Variants in SLC9A6 observed in about 807,000 individuals in gnomAD.
SLC9A6 encodes sodium/hydrogen exchanger 6.
SLC9A6 carries 6 observed loss-of-function variants against 45.3 expected under a neutral mutation model. The observed-to-expected ratio is 0.13, with a 90% CI of 0.07 to 0.26. The LOEUF (loss-of-function observed/expected upper bound fraction) is 0.26. Ranked by LOEUF, SLC9A6 falls within the 10% of genes least tolerant of loss-of-function variation. The pLI, the probability that SLC9A6 is intolerant of heterozygous loss-of-function variation, is 1.00. For missense variants in SLC9A6, 278 were observed against 503.7 expected, an observed-to-expected ratio of 0.55 and a Z score of 4.29; for synonymous variants, 191 against 187.7, an observed-to-expected ratio of 1.02 and a Z score of -0.14.
intron 1 of SLC9A6, among the ~76,000 whole-genome samples, chrX:135,975,680 T>A (rs2089257386): frequency 1.8e-5 from 2 of 112,364 alleles, no homozygotes; most frequent in African/African-American, 6.5e-5. Flanking sequence ...AAAGGATCTC[T>A]ACAGAGAGTC....
In SLC9A6 at chrX:136,005,667, C is replaced by T. The variant is rs184191786; in HGVS notation, c.743+3454C>T. ...CTGCCCTCCAGCCTGAGCAACGGAG[C>T]GAGACTGTCTCAAAAAAAAAAAAAA... On this transcript the variant is annotated intron_variant, in intron 7 of 17. Transcript: ENST00000630721. 1.1e-3 allele frequency among the ~76,000 whole-genome samples: 78 copies of T among 67,888 alleles called. No individual in the cohort carries two copies. The East Asian group carries it at 0.035, about 30-fold the overall frequency. 59.0% of individuals were successfully genotyped at this position (67,888 alleles called of 115,157 possible).
At chrX:135,991,535 C>T (rs1430662932) in intron 2 of SLC9A6, among the ~76,000 whole-genome samples, 2 of 111,008 alleles carry the variant, frequency 1.8e-5, no homozygotes, top group East Asian at 2.8e-4. Context: ...TAGGATTACA[C>T]GTGAGCCACT....
At chrX:135,982,509 A>G (rs1556614266), upstream of SLC9A6, among the ~76,000 whole-genome samples, 1 of 107,638 alleles carries the variant, frequency 9.3e-6, no homozygotes, top group Non-Finnish European at 1.9e-5. Context: ...TTTGAGACAA[A>G]GTCTCACTCT....
chrX:136,040,165 G>C lies in SLC9A6; in HGVS notation c.1751G>C (p.Ser584Thr). The part of the protein sequence containing the change: ...CCGPIARCLT[S>T]PQAYENQEQL... ...GGACCCATCGCCAGGTGCCTCACCA[G>C]CCCCCAGGCTTACGAAGTAAGTTGG... is the stretch of plus-strand genomic sequence containing the variant. Residue 584 changes from serine (S) to threonine (T), a missense_variant, in exon 17 of 18, where the codon AGC becomes ACC. Around this residue, in one of 5 missense-constraint regions of SLC9A6, gnomAD observed 91 missense variants for 125.1 expected, o/e 0.73. Transcript: ENST00000630721. 1 of 1,206,914 alleles carries C rather than the reference G, an allele frequency of 8.3e-7. No homozygotes were observed. The highest frequency in any genetic ancestry group is 1.8e-5 in the South Asian group (1 of 56,554).
At chrX:135,976,291 G>C (rs1556613342) in intron 1 of SLC9A6, among the ~76,000 whole-genome samples, 1 of 111,634 alleles carries the variant, frequency 9.0e-6, no homozygotes, top group Non-Finnish European at 1.9e-5. Flanking sequence ...GAGGTAATAA[G>C]GTAGAAAAGA....
chrX:135,983,025 C>T (rs782665083), upstream of SLC9A6, among the ~76,000 whole-genome samples: 3 of 111,116 alleles, frequency 2.7e-5, no homozygotes, highest in Non-Finnish European at 5.7e-5. Flanking sequence ...GAAACAGATT[C>T]CCTAGTACTC....
chrX:136,035,000 T>C (rs2071389610), intron 16 of SLC9A6, among the ~76,000 whole-genome samples: 1 of 111,448 alleles, frequency 9.0e-6, no homozygotes, highest in Non-Finnish European at 1.9e-5. Context: ...TATAAAACAG[T>C]TCAATGATCC....
rs559449798 is a variant in SLC9A6, at chrX:136,046,866, C to T, written c.*2142C>T. On this transcript the variant is annotated 3_prime_UTR_variant, in exon 18 of 18. Transcript: ENST00000630721. ...GTACAGTCTGAGTTACCATCATGCA[C>T]AAGTAGAACTGCTCTTGGACTTGTT... 8.9e-6 allele frequency: 1 copy of T among 112,850 alleles called. No homozygotes were observed. The highest frequency in any genetic ancestry group is 3.2e-5 in the African/African-American group (1 of 31,033). The allele number at this position is 112,850 out of a possible 1,213,427, so 9.3% of individuals were successfully genotyped here.
At chrX:136,003,689 G>T (rs924297703) in intron 7 of SLC9A6, among the ~76,000 whole-genome samples, 1 of 112,099 alleles carries the variant, frequency 8.9e-6, no homozygotes, top group African/African-American at 3.2e-5. Context: ...AATTTTGTTC[G>T]ACATTGTTAA....
At chrX:136,030,384 A>G (rs901204336) in intron 15 of SLC9A6, 11 of 430,894 alleles carry the variant, frequency 2.6e-5, no homozygotes, top group Non-Finnish European at 4.5e-5. Context: ...GACAGCTTTC[A>G]TGTCTCTGGG....
chrX:136,030,170 T>A lies in SLC9A6; in HGVS notation c.1581+8T>A. On this transcript the variant is annotated splice_region_variant and intron_variant, in intron 15 of 17. Transcript: ENST00000630721. The stretch of plus-strand genomic sequence containing the variant: ...TCAGACCAAGAACACTTGGTAAATA[T>A]GCGTTTTTGTTGTTCCTGGCATTTC... 2 of 1,205,586 alleles carry A rather than the reference T, an allele frequency of 1.7e-6. No individual in the cohort carries two copies. Among genetic ancestry groups the A allele is most frequent in the Middle Eastern group, 2.3e-4 (1 of 4,337 alleles).
At chrX:135,978,665 A>AAAT (rs1179505524) in intron 1 of SLC9A6, among the ~76,000 whole-genome samples, 234 of 111,021 alleles carry the variant, frequency 2.1e-3, no homozygotes, top group Non-Finnish European at 3.1e-3. Context: ...AAAAAAAAAA[A>AAAT]AATCAAATAG....
In SLC9A6 at chrX:136,017,556, T is replaced by C. The variant is rs182934604; in HGVS notation, c.1194+798T>C. ...ATGTAGAGAGAAATTTTGCCTTCAC[T>C]GGAAGGAGAGACAACTCCACCATGA... is the stretch of plus-strand genomic sequence containing the variant. On this transcript the variant is annotated intron_variant, in intron 11 of 17. Transcript: ENST00000630721. Among the ~76,000 whole-genome samples the C allele has an allele frequency of 2.2e-4, 25 of 111,211 alleles. No homozygotes were observed. In the Admixed American group the frequency reaches 2.4e-3, roughly 11 times the overall value.
intron 7 of SLC9A6, among the ~76,000 whole-genome samples, chrX:136,006,505 T>A (rs2089658699): frequency 9.2e-6 from 1 of 108,161 alleles, no homozygotes; most frequent in African/African-American, 3.4e-5. Context: ...GCAGTTATTT[T>A]ATTTTATTTT....
At chrX:135,974,453 G>A (rs1405179373), upstream of SLC9A6, among the ~76,000 whole-genome samples, 1 of 63,241 alleles carries the variant, frequency 1.6e-5, no homozygotes, top group Non-Finnish European at 3.0e-5. Context: ...AGGGGGCGCG[G>A]AGGAGTGGGA....
intron 2 of SLC9A6, among the ~76,000 whole-genome samples, chrX:135,990,835 G>A: frequency 8.9e-6 from 1 of 111,748 alleles, no homozygotes. Flanking sequence ...GGACATGGAA[G>A]GAATTTATGC....
chrX:135,987,903 C>G (rs1352392532), intron 2 of SLC9A6, among the ~76,000 whole-genome samples: 1 of 110,799 alleles, frequency 9.0e-6, no homozygotes, highest in African/African-American at 3.3e-5. Flanking sequence ...AGTAACTGAC[C>G]CTTAAGTAAA....
chrX:136,019,431 G>C (rs931580285), intron 11 of SLC9A6, among the ~76,000 whole-genome samples: 2 of 111,765 alleles, frequency 1.8e-5, no homozygotes, highest in South Asian at 3.8e-4. Context: ...CTACTCACAA[G>C]GGAGGCTAGG....
chrX:136,030,317 C>T, intron 15 of SLC9A6, 155 bp downstream of exon 15: 2 of 575,840 alleles, frequency 3.5e-6, no homozygotes, highest in Non-Finnish European at 5.8e-6. Flanking sequence ...TTTCTCACTG[C>T]TCCATAGAGA....
Sources: allele counts gnomAD v4.1 joint callset (sites outside exome capture counted in the v4.1 genomes callset), GRCh38; gene constraint gnomAD v4.1.1; regional missense constraint gnomAD v4.1.1; transcripts MANE v1.5; gene names NCBI Gene and HGNC (gene_info 2026-07-23, HGNC 2026-07-21).